Variants in CDH12 observed in about 807,000 individuals in gnomAD.
The protein encoded by CDH12 is cadherin 12, also known as cadherin-12.
Under a neutral mutation model 74.1 loss-of-function variants are expected in CDH12, and 41 were observed. The ratio of observed to expected loss-of-function variants is 0.55; its 90% CI spans 0.43 to 0.72. CDH12 has a LOEUF of 0.72. CDH12 is among the 30% of genes least tolerant of loss of function. CDH12 has a pLI of 0.00. For missense variants in CDH12, 945 were observed against 977.2 expected (o/e 0.97, Z 0.44); for synonymous variants, 399 against 355.0 (o/e 1.12, Z -1.39).
chr5:22,598,450 C>A (rs1422838584), intron 1 of CDH12, among the ~76,000 whole-genome samples: 1 of 152,136 alleles, frequency 6.6e-6, no homozygotes, highest in Non-Finnish European at 1.5e-5. Context: ...TATCCTGCAG[C>A]CCTGTGATGA....
intron 3 of CDH12, among the ~76,000 whole-genome samples, chr5:22,288,736 G>C (rs968138351): frequency 3.3e-5 from 5 of 152,148 alleles, no homozygotes; most frequent in Non-Finnish European, 7.4e-5. Context: ...TTAGAAGACA[G>C]TAGTCATTTT....
At chr5:22,302,319 CTG>C (rs1216866043) in intron 3 of CDH12, among the ~76,000 whole-genome samples, 2 of 152,098 alleles carry the variant, frequency 1.3e-5, no homozygotes, top group Non-Finnish European at 2.9e-5. Context: ...AAATCAGAGA[CTG>C]TATAAATTGC....
chr5:21,891,560 T>TACAC (rs1305461373), intron 6 of CDH12, among the ~76,000 whole-genome samples: 4 of 68,892 alleles, frequency 5.8e-5, no homozygotes, highest in African/African-American at 1.6e-4. Context: ...TTCCTGTGAA[T>TACAC]ACACACACAC....
chr5:21,847,755 T>C (rs887496269), intron 7 of CDH12, among the ~76,000 whole-genome samples: 2 of 152,118 alleles, frequency 1.3e-5, no homozygotes, highest in Non-Finnish European at 2.9e-5. Context: ...ATGGACATAC[T>C]TGGGCAATCA....
At chr5:22,759,165 A>G (rs951175168) in intron 1 of CDH12, among the ~76,000 whole-genome samples, 7 of 152,056 alleles carry the variant, frequency 4.6e-5, no homozygotes, top group Non-Finnish European at 4.4e-5. Context: ...GATTCAGGAT[A>G]TATTTCACCA....
intron 5 of CDH12, among the ~76,000 whole-genome samples, chr5:22,048,334 A>T (rs1384563738): frequency 6.6e-6 from 1 of 152,198 alleles, no homozygotes; most frequent in Non-Finnish European, 1.5e-5. Context: ...TAGAGTACTG[A>T]TGATGCTTGT....
At chr5:22,566,451 G>A (rs1739287894) in intron 1 of CDH12, among the ~76,000 whole-genome samples, 1 of 151,968 alleles carries the variant, frequency 6.6e-6, no homozygotes, top group South Asian at 2.1e-4. Flanking sequence ...TGTTGGCCAG[G>A]CTGGTCTTGA....
intron 5 of CDH12, among the ~76,000 whole-genome samples, chr5:21,981,998 G>A (rs1216585286): frequency 6.6e-6 from 1 of 152,120 alleles, no homozygotes; most frequent in Admixed American, 6.6e-5. Context: ...AAATAAGCCT[G>A]ATAGTTAATT....
chr5:22,514,733 A>G (rs1736737105), intron 1 of CDH12, among the ~76,000 whole-genome samples: 1 of 152,180 alleles, frequency 6.6e-6, no homozygotes, highest in Admixed American at 6.5e-5. Context: ...TTCCAGATGA[A>G]CATAATCATC....
intron 3 of CDH12, among the ~76,000 whole-genome samples, chr5:22,311,243 T>A (rs950442667): frequency 3.3e-5 from 5 of 152,142 alleles, no homozygotes; most frequent in Non-Finnish European, 7.4e-5. Flanking sequence ...TAGGAGCAAT[T>A]ACAAGTAGGA....
chr5:22,439,550 A>G (rs181959137), intron 2 of CDH12, among the ~76,000 whole-genome samples: 1,553 of 152,188 alleles, frequency 0.01, 13 homozygotes, highest in Non-Finnish European at 0.011. Context: ...GAAACTAAAC[A>G]TTATTCCAGG....
intron 1 of CDH12, among the ~76,000 whole-genome samples, chr5:22,799,846 G>A (rs1748419701): frequency 6.6e-6 from 1 of 151,896 alleles, no homozygotes. Context: ...ATATTAATAA[G>A]CATAATTTTT....
At chr5:22,556,896 A>G (rs1181490800) in intron 1 of CDH12, among the ~76,000 whole-genome samples, 1 of 152,072 alleles carries the variant, frequency 6.6e-6, no homozygotes, top group African/African-American at 2.4e-5. Context: ...AGAAAGACAG[A>G]GCCCCTATCT....
At chr5:21,901,346 G>T (rs7447559) in intron 6 of CDH12, among the ~76,000 whole-genome samples, 147,205 of 152,230 alleles carry the variant, frequency 0.97, 71,339 homozygotes, top group Non-Finnish European at 1. Flanking sequence ...AATTATGGCT[G>T]ATTTCTAACT....
intron 1 of CDH12, among the ~76,000 whole-genome samples, chr5:22,695,393 G>C (rs1408614700): frequency 6.6e-6 from 1 of 151,952 alleles, no homozygotes; most frequent in Non-Finnish European, 1.5e-5. Context: ...TGTTATTTCT[G>C]ATTCTAGATC....
intron 6 of CDH12, among the ~76,000 whole-genome samples, chr5:21,902,665 T>C (rs894664980): frequency 1.3e-5 from 2 of 152,206 alleles, no homozygotes; most frequent in African/African-American, 2.4e-5. Context: ...AAATGTTCTC[T>C]ATCTGCTCTG....
chr5:22,086,798 T>C (rs912338423), intron 4 of CDH12, among the ~76,000 whole-genome samples: 4 of 152,296 alleles, frequency 2.6e-5, no homozygotes, highest in South Asian at 2.1e-4. Flanking sequence ...CAGTACTTTA[T>C]GGCAAGAGAC....
chr5:21,758,700 G>A (rs902678463), intron 13 of CDH12, among the ~76,000 whole-genome samples: 5 of 152,078 alleles, frequency 3.3e-5, no homozygotes, highest in African/African-American at 9.7e-5. Flanking sequence ...AAATGTAGTA[G>A]CGTTAGCAGT....
intron 2 of CDH12, among the ~76,000 whole-genome samples, chr5:22,477,040 T>C (rs1212433439): frequency 6.6e-6 from 1 of 152,162 alleles, no homozygotes; most frequent in African/African-American, 2.4e-5. Context: ...TATCCACGTA[T>C]CTCAACGGTT....
Sources: allele counts gnomAD v4.1 joint callset (sites outside exome capture counted in the v4.1 genomes callset), GRCh38; gene constraint gnomAD v4.1.1; transcripts MANE v1.5; gene names NCBI Gene and HGNC (gene_info 2026-07-23, HGNC 2026-07-21).